TCF12: variants seen among roughly 807,000 people sequenced by gnomAD.
The protein encoded by TCF12 is transcription factor 12.
TCF12 carries 45 observed loss-of-function variants against 86.0 expected under a neutral mutation model. That is an observed-to-expected ratio of 0.52 (90% CI 0.41 to 0.67). TCF12 has a LOEUF of 0.67. TCF12 is among the 30% of genes least tolerant of loss of function. The probability of loss-of-function intolerance (pLI) is 0.00; values close to 1 mark genes in which losing one functional copy is unlikely to be tolerated. For missense variants in TCF12, 881 were observed against 859.9 expected (o/e 1.02, Z -0.31); for synonymous variants, 330 against 299.6 (o/e 1.10, Z -1.05).
At chr15:57,185,693 G>T (rs1368019482) in intron 6 of TCF12, among the ~76,000 whole-genome samples, 1 of 152,032 alleles carries the variant, frequency 6.6e-6, no homozygotes, top group African/African-American at 2.4e-5. Context: ...GACCAACTGG[G>T]GCAACATAGT....
chr15:57,131,453 G>A (rs192929988), intron 5 of TCF12, among the ~76,000 whole-genome samples: 83 of 152,242 alleles, frequency 5.5e-4, no homozygotes, highest in Non-Finnish European at 1.0e-3. Context: ...TCAAATGGTG[G>A]TGTTACTCTG....
intron 13 of TCF12, among the ~76,000 whole-genome samples, chr15:57,245,542 A>G (rs569735412): frequency 6.6e-6 from 1 of 152,284 alleles, no homozygotes; most frequent in East Asian, 1.9e-4. Context: ...CTGTGTAGTA[A>G]GATAGCTGCC....
intron 3 of TCF12, among the ~76,000 whole-genome samples, chr15:57,007,386 T>G (rs1442888749): frequency 6.6e-6 from 1 of 152,188 alleles, no homozygotes; most frequent in African/African-American, 2.4e-5. Context: ...GTATGATGTG[T>G]TCTGTTTGAC....
chr15:57,086,704 TTA>T (rs1491194379), intron 4 of TCF12, among the ~76,000 whole-genome samples: 1 of 30,646 alleles, frequency 3.3e-5, no homozygotes, highest in Non-Finnish European at 7.0e-5. Flanking sequence ...TTCCCTCCCT[TTA>T]AAAAAAAAAA....
chr15:57,258,367 A>G (rs2060443921), intron 16 of TCF12, among the ~76,000 whole-genome samples: 1 of 152,204 alleles, frequency 6.6e-6, no homozygotes, highest in South Asian at 2.1e-4. Flanking sequence ...CCATTGATTT[A>G]TGGCCGTAAT....
chr15:57,216,874 T>C (rs1311406956), intron 8 of TCF12, among the ~76,000 whole-genome samples: 2 of 152,104 alleles, frequency 1.3e-5, no homozygotes, highest in Non-Finnish European at 2.9e-5. Flanking sequence ...GACTTTTCCA[T>C]AGCATACAAG....
chr15:57,233,000 G>GTATATGTGTGTTATATA (rs1480808301), intron 11 of TCF12, 144 bp downstream of exon 11: 10 of 426,128 alleles, frequency 2.3e-5, no homozygotes, highest in Admixed American at 1.7e-4. Flanking sequence ...TGTGTTATAT[G>GTATATGTGTGTTATATA]TATATATGTG....
intron 6 of TCF12, among the ~76,000 whole-genome samples, chr15:57,168,203 G>T (rs1395538329): frequency 6.6e-6 from 1 of 152,166 alleles, no homozygotes. Flanking sequence ...TATTTACACT[G>T]CACTGTGGAA....
chr15:57,219,208 G>A, intron 8 of TCF12: 2 of 1,098,252 alleles, frequency 1.8e-6, no homozygotes, highest in Non-Finnish European at 2.2e-6. Flanking sequence ...TAATTTCTTG[G>A]GTTATTTTTA....
intron 3 of TCF12, among the ~76,000 whole-genome samples, chr15:56,925,010 C>G (rs1271812728): frequency 1.3e-5 from 2 of 152,060 alleles, no homozygotes; most frequent in African/African-American, 2.4e-5. Flanking sequence ...ACCAGCCTGG[C>G]CAACATGGTG....
rs2061984025 is a variant in TCF12, at chr15:57,287,896, T to C, written c.*1751T>C. On this transcript the variant is annotated 3_prime_UTR_variant, in exon 21 of 21. Coordinates refer to ENST00000333725, the MANE Select transcript of TCF12 (RefSeq NM_207037.2). ...TCAGTGTTAATCAGCTAAACAGAAG[T>C]TGTTGCTTATGATGTGTGAGTGAAC... 1 of 152,680 alleles carries C rather than the reference T, an allele frequency of 6.5e-6. No individual in the cohort carries two copies. Among genetic ancestry groups the C allele is most frequent in the African/African-American group, 2.4e-5 (1 of 41,466 alleles). The allele number at this position is 152,680 out of a possible 1,614,324, so 9.5% of individuals were successfully genotyped here.
At chr15:56,961,187 C>T (rs2061736774) in intron 3 of TCF12, among the ~76,000 whole-genome samples, 1 of 151,538 alleles carries the variant, frequency 6.6e-6, no homozygotes. Context: ...TAGCTAGACA[C>T]TGTGCTGATT....
chr15:56,936,919 T>G (rs2060494361), intron 3 of TCF12, among the ~76,000 whole-genome samples: 1 of 152,234 alleles, frequency 6.6e-6, no homozygotes, highest in Non-Finnish European at 1.5e-5. Flanking sequence ...ATGCCAGATT[T>G]GATCTTTTTG....
At chr15:57,266,559 A>G (rs1372556809) in intron 18 of TCF12, among the ~76,000 whole-genome samples, 3 of 152,254 alleles carry the variant, frequency 2.0e-5, no homozygotes, top group Non-Finnish European at 2.9e-5. Flanking sequence ...TTAACAAACA[A>G]TTAAATAGTA....
intron 5 of TCF12, chr15:57,118,495 C>T (rs554817174): frequency 2.5e-4 from 38 of 152,068 alleles, no homozygotes; most frequent in African/African-American, 9.2e-4. Context: ...TGACATCTTA[C>T]CAATTTGATT....
chr15:57,252,980 C>T (rs2060189013), intron 15 of TCF12, among the ~76,000 whole-genome samples: 1 of 132,668 alleles, frequency 7.5e-6, no homozygotes, highest in South Asian at 2.3e-4. Context: ...ACATAGTATC[C>T]TTCATTTTTT....
chr15:57,069,970 T>C (rs760262662), intron 4 of TCF12, among the ~76,000 whole-genome samples: 5 of 152,234 alleles, frequency 3.3e-5, no homozygotes, highest in Admixed American at 2.0e-4. Context: ...CACTTCTGCC[T>C]CATTGCTCTG....
At chr15:56,940,050 G>A (rs1257139722) in intron 3 of TCF12, among the ~76,000 whole-genome samples, 3 of 143,736 alleles carry the variant, frequency 2.1e-5, no homozygotes, top group African/African-American at 7.9e-5. Flanking sequence ...AAAATGGCTT[G>A]TGTGATTCTG....
At chr15:57,203,196 A>T (rs1386231389) in intron 8 of TCF12, among the ~76,000 whole-genome samples, 1 of 152,180 alleles carries the variant, frequency 6.6e-6, no homozygotes. Flanking sequence ...GTTGAATCAA[A>T]TCCGGCTGCC....
Sources: gnomAD v4.1 joint callset for allele counts (sites outside exome capture counted in the v4.1 genomes callset) on GRCh38, gnomAD v4.1.1 for gene constraint, MANE v1.5 for transcripts, NCBI Gene and HGNC (gene_info 2026-07-23, HGNC 2026-07-21) for gene names.